The following OTUD7A variants were observed in gnomAD, a reference collection of about 807,000 sequenced individuals.
OTUD7A encodes OTU domain-containing protein 7A.
In OTUD7A, 12 loss-of-function variants were observed where a neutral mutation model predicts 65.7. The ratio of observed to expected loss-of-function variants is 0.18; its 90% confidence interval spans 0.12 to 0.30. OTUD7A has a LOEUF of 0.30. OTUD7A is among the 10% of genes least tolerant of loss of function. The pLI is 1.00. For missense variants in OTUD7A, 1,148 were observed against 1,304.8 expected (o/e 0.88, Z 1.85); for synonymous variants, 641 against 586.3 (o/e 1.09, Z -1.35).
At chr15:31,510,306 C>T (rs930908313) in intron 8 of OTUD7A, among the ~76,000 whole-genome samples, 3 of 151,752 alleles carry the variant, frequency 2.0e-5, no homozygotes, top group African/African-American at 7.3e-5. Flanking sequence ...CTTTTTCACA[C>T]AGAGCTCGGG....
At chr15:31,841,618 G>A (rs1407945057) in intron 1 of OTUD7A, among the ~76,000 whole-genome samples, 1 of 152,002 alleles carries the variant, frequency 6.6e-6, no homozygotes, top group Non-Finnish European at 1.5e-5. Context: ...GAACTAAAAC[G>A]TCTTCATTTA....
At chr15:31,794,193 A>C (rs1895891068) in intron 1 of OTUD7A, among the ~76,000 whole-genome samples, 1 of 152,124 alleles carries the variant, frequency 6.6e-6, no homozygotes, top group Non-Finnish European at 1.5e-5. Context: ...TTCTACCTTA[A>C]CATGTATTAA....
intron 5 of OTUD7A, among the ~76,000 whole-genome samples, chr15:31,538,947 A>C (rs1887894983): frequency 6.6e-6 from 1 of 152,182 alleles, no homozygotes; most frequent in African/African-American, 2.4e-5. Context: ...TTAAAAATAC[A>C]TTATATATTC....
At chr15:31,555,398 A>G (rs1487186184) in intron 5 of OTUD7A, among the ~76,000 whole-genome samples, 1 of 152,194 alleles carries the variant, frequency 6.6e-6, no homozygotes, top group East Asian at 1.9e-4. Context: ...AATATTGCAT[A>G]TAAATAGTTT....
intron 10 of OTUD7A, among the ~76,000 whole-genome samples, chr15:31,500,937 G>A (rs2041457354): frequency 6.6e-6 from 1 of 152,266 alleles, no homozygotes; most frequent in African/African-American, 2.4e-5. Context: ...ACATCCATCA[G>A]TAGCTAACAT....
At chr15:31,571,709 T>C (rs1458913710) in intron 3 of OTUD7A, among the ~76,000 whole-genome samples, 1 of 152,118 alleles carries the variant, frequency 6.6e-6, no homozygotes, top group East Asian at 1.9e-4. Context: ...TAGGTTTCTG[T>C]TTTATGTTTA....
intron 6 of OTUD7A, among the ~76,000 whole-genome samples, chr15:31,529,516 G>A (rs563776655): frequency 2.0e-5 from 3 of 152,274 alleles, no homozygotes; most frequent in South Asian, 4.1e-4. Flanking sequence ...TCTCACCATG[G>A]TGAATGTGGA....
intron 1 of OTUD7A, among the ~76,000 whole-genome samples, chr15:31,770,194 G>A (rs1895196492): frequency 6.6e-6 from 1 of 152,062 alleles, no homozygotes; most frequent in Non-Finnish European, 1.5e-5. Flanking sequence ...AATAATTCAA[G>A]AGAGTACAGA....
At chr15:31,681,578 T>C (rs1303686806) in intron 1 of OTUD7A, among the ~76,000 whole-genome samples, 1 of 151,068 alleles carries the variant, frequency 6.6e-6, no homozygotes, top group Admixed American at 6.6e-5. Context: ...TGCCTGAATG[T>C]CTGTCTATAT....
At position 31,601,499 on chromosome 15, in the gene OTUD7A, G is replaced by T. The variant is rs1890073429; in HGVS notation, c.152-31302C>A. ...TTTATAGCACTAAATGCCCACAAGA[G>T]AAAGCAGGAAAGATCTAAAATCGAC... On this transcript the variant is annotated intron_variant, in intron 3 of 12. Transcript: ENST00000307050. Among the ~76,000 whole-genome samples, 4 of 152,262 alleles carry T rather than the reference G, an allele frequency of 2.6e-5. No individual in the cohort carries two copies. In the South Asian group the frequency reaches 8.3e-4, roughly 32 times the overall value.
chr15:31,566,147 C>A (rs1001918613), intron 4 of OTUD7A, among the ~76,000 whole-genome samples: 4 of 150,030 alleles, frequency 2.7e-5, no homozygotes, highest in Non-Finnish European at 5.9e-5. Context: ...GCCGAGATTG[C>A]GCCACTGCAC....
chr15:31,692,882 A>G (rs1320248408), intron 1 of OTUD7A, among the ~76,000 whole-genome samples: 19 of 148,874 alleles, frequency 1.3e-4, no homozygotes, highest in Non-Finnish European at 1.9e-4. Context: ...TGGCTGAAAG[A>G]ATGAAGGATG....
At chr15:31,659,563 C>A (rs114855367) in intron 1 of OTUD7A, among the ~76,000 whole-genome samples, 1,585 of 152,376 alleles carry the variant, frequency 0.01, 20 homozygotes, top group African/African-American at 0.037. Flanking sequence ...CTTTGAGGAA[C>A]AAAATGTCAG....
At chr15:31,673,305 A>C (rs1892526234) in intron 1 of OTUD7A, among the ~76,000 whole-genome samples, 1 of 152,230 alleles carries the variant, frequency 6.6e-6, no homozygotes, top group African/African-American at 2.4e-5. Flanking sequence ...AGGAATAATA[A>C]TCAATAGTTT....
intron 1 of OTUD7A, chr15:31,766,365 C>A: frequency 6.3e-7 from 1 of 1,590,934 alleles, no homozygotes; most frequent in Non-Finnish European, 8.6e-7. Flanking sequence ...AAATAACAAA[C>A]AACATAACTG....
At chr15:31,690,825 C>T (rs1892944408) in intron 1 of OTUD7A, among the ~76,000 whole-genome samples, 1 of 152,134 alleles carries the variant, frequency 6.6e-6, no homozygotes, top group Non-Finnish European at 1.5e-5. Context: ...ACCTATAAAA[C>T]TCATACAGGA....
intron 3 of OTUD7A, among the ~76,000 whole-genome samples, chr15:31,581,885 C>A (rs1323603630): frequency 6.6e-6 from 1 of 152,234 alleles, no homozygotes; most frequent in East Asian, 1.9e-4. Context: ...TGAGTTTCCC[C>A]CCAGATAATG....
At chr15:31,830,686 A>G (rs988490513) in intron 1 of OTUD7A, among the ~76,000 whole-genome samples, 2 of 152,364 alleles carry the variant, frequency 1.3e-5, no homozygotes, top group East Asian at 3.9e-4. Context: ...GTGATAGTAC[A>G]CAAAGATGTG....
chr15:31,608,823 C>G (rs2141219811), intron 3 of OTUD7A, among the ~76,000 whole-genome samples: 1 of 152,276 alleles, frequency 6.6e-6, no homozygotes, highest in East Asian at 1.9e-4. Context: ...AATTTTAGAT[C>G]CAGAATGACT....
Sources: allele counts gnomAD v4.1 joint callset (sites outside exome capture counted in the v4.1 genomes callset), GRCh38; gene constraint gnomAD v4.1.1; transcripts MANE v1.5; gene names NCBI Gene and HGNC (gene_info 2026-07-23, HGNC 2026-07-21).